Variants in STAG1 observed in about 807,000 individuals in gnomAD.
STAG1 encodes the protein cohesin subunit SA-1.
A neutral mutation model predicts 170.9 loss-of-function variants in STAG1; 26 were observed. The observed-to-expected ratio is 0.15, with a 90% confidence interval of 0.11 to 0.21. The LOEUF (loss-of-function observed/expected upper bound fraction) is 0.21. Among genes scored for constraint, STAG1 ranks in the 10% least tolerant of loss-of-function variants. The probability of loss-of-function intolerance (pLI) is 1.00; values close to 1 mark genes in which losing one functional copy is unlikely to be tolerated. For missense variants in STAG1, 964 were observed against 1,509.5 expected (o/e 0.64, Z 5.99); for synonymous variants, 514 against 497.7 (o/e 1.03, Z -0.44).
intron 7 of STAG1, among the ~76,000 whole-genome samples, chr3:136,506,043 T>C (rs1354487719): frequency 6.6e-6 from 1 of 152,100 alleles, no homozygotes. Flanking sequence ...TAACCTATCC[T>C]CTCCTTAAGG....
chr3:136,389,721 T>C (rs2086957586), intron 22 of STAG1, among the ~76,000 whole-genome samples: 3 of 152,116 alleles, frequency 2.0e-5, no homozygotes, highest in Admixed American at 6.5e-5. Context: ...GGTTTTACCA[T>C]GTTGGCCAGG....
At position 136,422,754 on chromosome 3, in the gene STAG1, CATA is replaced by C; in HGVS notation, c.1833+11_1833+13del. The C allele has an allele frequency of 1.3e-6, 2 of 1,573,704 alleles. No homozygotes were observed. The highest frequency in any genetic ancestry group is 2.2e-5 in the East Asian group (1 of 44,624). ...AACTATAACAGCTGAATTTCAATTT[CATA>C]ATATCATTACCTTTTCCATTCTACC... On this transcript the variant is annotated intron_variant, in intron 18 of 33. Transcript: ENST00000383202.
In STAG1 at chr3:136,337,955, T is replaced by A. The variant is rs555438038; in HGVS notation, c.*299A>T. The A allele has an allele frequency of 2.4e-5, 7 of 297,340 alleles. No individual in the cohort carries two copies. In the Admixed American group the frequency reaches 3.4e-4, roughly 15 times the overall value. The allele number at this position is 297,340 out of a possible 1,614,324, so 18.4% of individuals were successfully genotyped here. A position where few individuals can be genotyped will look rare whatever the true frequency, so the allele number is the denominator to read the frequency against. On this transcript the variant is annotated 3_prime_UTR_variant, in exon 34 of 34. Transcript: ENST00000383202. ...ACAGTGTTTATCTTGACAGCTGTTT[T>A]AAAAATTTAAAATTTCTTCCTCCCT...
intron 21 of STAG1, among the ~76,000 whole-genome samples, chr3:136,416,069 A>G (rs1035302876): frequency 3.3e-5 from 5 of 151,756 alleles, no homozygotes; most frequent in Non-Finnish European, 1.5e-5. Context: ...GTGCAGTGGT[A>G]CAATCTCTGC....
intron 9 of STAG1, among the ~76,000 whole-genome samples, chr3:136,487,398 G>A (rs1289368241): frequency 6.6e-6 from 1 of 152,102 alleles, no homozygotes; most frequent in Non-Finnish European, 1.5e-5. Context: ...ATTTGGGTTG[G>A]TTTCACATTG....
chr3:136,563,930 G>A (rs900464982), intron 5 of STAG1, among the ~76,000 whole-genome samples: 1 of 152,064 alleles, frequency 6.6e-6, no homozygotes, highest in Admixed American at 6.5e-5. Flanking sequence ...GGCTGAGGCA[G>A]GAGAACTGCT....
chr3:136,559,304 C>T (rs1936747732), intron 5 of STAG1, among the ~76,000 whole-genome samples: 2 of 151,948 alleles, frequency 1.3e-5, no homozygotes, highest in South Asian at 4.2e-4. Flanking sequence ...AACAAGGATG[C>T]CAGTGCAAGT....
At position 136,631,676 on chromosome 3, in the gene STAG1, CTT is replaced by C. The variant is rs1940334446; in HGVS notation, c.-83-697_-83-696del. ...GGGACAGAGAATATAAGCAAACACT[CTT>C]TACTTTTCCTTCAAATTTGCTGTGA... is the stretch of plus-strand genomic sequence containing the variant. On this transcript the variant is annotated intron_variant, in intron 1 of 33. Transcript: ENST00000383202. Among the ~76,000 whole-genome samples, 3 of 151,882 alleles carry C rather than the reference CTT, an allele frequency of 2.0e-5. No individual in the cohort carries two copies. The South Asian group carries it at 6.2e-4, about 31-fold the overall frequency.
intron 28 of STAG1, among the ~76,000 whole-genome samples, chr3:136,352,968 T>A (rs931863931): frequency 6.6e-6 from 1 of 152,176 alleles, no homozygotes; most frequent in Non-Finnish European, 1.5e-5. Flanking sequence ...GAAAATCATA[T>A]CTAATTAAAA....
intron 23 of STAG1, among the ~76,000 whole-genome samples, chr3:136,374,294 G>GA (rs1347419391): frequency 6.8e-6 from 1 of 146,864 alleles, no homozygotes; most frequent in Non-Finnish European, 1.5e-5. Context: ...AAAATAAATA[G>GA]AAAAAAGCTT....
At chr3:136,342,476 AC>A (rs1299394741) in intron 30 of STAG1, among the ~76,000 whole-genome samples, 1 of 150,728 alleles carries the variant, frequency 6.6e-6, no homozygotes, top group Non-Finnish European at 1.5e-5. Context: ...GCGCCACCAC[AC>A]CTGGCTAATT....
chr3:136,624,689 TC>T (rs1940019053), intron 2 of STAG1, among the ~76,000 whole-genome samples: 1 of 152,226 alleles, frequency 6.6e-6, no homozygotes, highest in Admixed American at 6.5e-5. Context: ...TCTATCACTT[TC>T]TTAAGTCTAT....
intron 4 of STAG1, among the ~76,000 whole-genome samples, chr3:136,583,058 T>C (rs1195676999): frequency 2.0e-5 from 3 of 152,188 alleles, no homozygotes; most frequent in African/African-American, 7.2e-5. Flanking sequence ...TATTACAAAA[T>C]ATAATGGTAT....
At chr3:136,427,008 C>T (rs1315544536) in intron 16 of STAG1, among the ~76,000 whole-genome samples, 3 of 151,110 alleles carry the variant, frequency 2.0e-5, no homozygotes, top group African/African-American at 7.3e-5. Context: ...TGCAGTGAGC[C>T]GAGATCGCGC....
At chr3:136,421,559 A>G (rs549842744) in intron 19 of STAG1, among the ~76,000 whole-genome samples, 2 of 152,320 alleles carry the variant, frequency 1.3e-5, no homozygotes, top group African/African-American at 4.8e-5. Context: ...ATAGTAGGAA[A>G]GAGTCTTTTA....
In STAG1 at chr3:136,407,546, C is replaced by G. The variant is rs182215802; in HGVS notation, c.2197-8717G>C. On this transcript the variant is annotated intron_variant, in intron 21 of 33. Coordinates refer to ENST00000383202, the MANE Select transcript of STAG1 (RefSeq NM_005862.3). ...GTGCGATCTTGGCTCACTGCAACCTCTGCCTCCCAGGTTCAAGTCATTCTC... is the reference window on the plus strand; with the variant it reads ...GTGCGATCTTGGCTCACTGCAACCTGTGCCTCCCAGGTTCAAGTCATTCTC... Among the ~76,000 whole-genome samples the G allele has an allele frequency of 4.5e-3, 679 of 152,060 alleles. 7 individuals carry two copies. The highest frequency in any genetic ancestry group is 7.9e-3 in the Non-Finnish European group (539 of 67,986).
intron 3 of STAG1, among the ~76,000 whole-genome samples, chr3:136,608,838 T>C (rs996711032): frequency 2.0e-5 from 3 of 151,770 alleles, no homozygotes; most frequent in African/African-American, 7.3e-5. Context: ...CACTATGTTT[T>C]GCTCGTTGCT....
At chr3:136,637,380 A>C (rs1421856591) in intron 1 of STAG1, among the ~76,000 whole-genome samples, 6 of 152,180 alleles carry the variant, frequency 3.9e-5, no homozygotes, top group Non-Finnish European at 8.8e-5. Flanking sequence ...ATCAGCCTAG[A>C]AACTCTCAAA....
chr3:136,397,998 G>C (rs1317461273), intron 22 of STAG1, among the ~76,000 whole-genome samples: 1 of 152,040 alleles, frequency 6.6e-6, no homozygotes, highest in Non-Finnish European at 1.5e-5. Flanking sequence ...CCAGGCTGGA[G>C]TACAATGGCG....
Sources: allele counts gnomAD v4.1 joint callset (sites outside exome capture counted in the v4.1 genomes callset), GRCh38; gene constraint gnomAD v4.1.1; transcripts MANE v1.5; gene names NCBI Gene and HGNC (gene_info 2026-07-23, HGNC 2026-07-21).